CTNND2: variants seen among roughly 807,000 people sequenced by gnomAD.
CTNND2 encodes catenin delta 2.
In CTNND2, 22 loss-of-function variants were observed where a neutral mutation model predicts 144.4. The ratio of observed to expected loss-of-function variants is 0.15; its 90% CI spans 0.11 to 0.22. The LOEUF (loss-of-function observed/expected upper bound fraction) is 0.22, where lower values mean the gene tolerates loss of function less well. CTNND2 is among the 10% of genes least tolerant of loss of function. The probability of loss-of-function intolerance (pLI) is 1.00; values close to 1 mark genes in which losing one functional copy is unlikely to be tolerated. For synonymous variants in CTNND2, 751 were observed against 695.6 expected (o/e 1.08, Z -1.25); for missense variants, 1,353 against 1,618.8 (o/e 0.84, Z 2.82).
chr5:11,096,789 A>AAG (rs925024956), intron 15 of CTNND2, among the ~76,000 whole-genome samples: 2 of 148,494 alleles, frequency 1.3e-5, no homozygotes, highest in African/African-American at 2.4e-5. Context: ...GGGAGGGAGG[A>AAG]AGAGAGAGAG....
At chr5:11,629,669 A>C (rs1330844647) in intron 2 of CTNND2, among the ~76,000 whole-genome samples, 1 of 151,990 alleles carries the variant, frequency 6.6e-6, no homozygotes, top group East Asian at 1.9e-4. Flanking sequence ...TTCATTTCTT[A>C]TTTTATTTTA....
At chr5:11,119,240 G>A (rs779738712) in intron 12 of CTNND2, among the ~76,000 whole-genome samples, 1 of 152,284 alleles carries the variant, frequency 6.6e-6, no homozygotes, top group South Asian at 2.1e-4. Context: ...ATGTTAAAAT[G>A]CTACTGAACA....
At chr5:11,890,659 A>T (rs1736883746) in intron 1 of CTNND2, among the ~76,000 whole-genome samples, 1 of 152,238 alleles carries the variant, frequency 6.6e-6, no homozygotes, top group South Asian at 2.1e-4. Flanking sequence ...AGTCATTTTA[A>T]TGATCAACCT....
chr5:11,390,082 G>A (rs1191207659), intron 6 of CTNND2, among the ~76,000 whole-genome samples: 1 of 152,088 alleles, frequency 6.6e-6, no homozygotes. Flanking sequence ...AGGGATGCTT[G>A]ACCTGTCTAC....
At chr5:11,245,137 G>T (rs181561555) in intron 9 of CTNND2, among the ~76,000 whole-genome samples, 1 of 152,172 alleles carries the variant, frequency 6.6e-6, no homozygotes, top group Non-Finnish European at 1.5e-5. Flanking sequence ...GAACAAAGGC[G>T]AAAAGGGGCT....
intron 5 of CTNND2, among the ~76,000 whole-genome samples, chr5:11,411,139 TG>T (rs970132368): frequency 6.6e-6 from 1 of 152,136 alleles, no homozygotes; most frequent in Non-Finnish European, 1.5e-5. Flanking sequence ...CCCAAAGTGC[TG>T]GGATTACAGG....
At chr5:11,082,956 T>C in intron 15 of CTNND2, 110 bp from the exon 16 acceptor site, 1 of 1,196,636 alleles carries the variant, frequency 8.4e-7, no homozygotes, top group Non-Finnish European at 1.2e-6. Flanking sequence ...AAGGTTGAAT[T>C]ACCAAGACCT....
At chr5:11,113,125 A>G (rs936555567) in intron 13 of CTNND2, among the ~76,000 whole-genome samples, 1 of 152,182 alleles carries the variant, frequency 6.6e-6, no homozygotes, top group African/African-American at 2.4e-5. Flanking sequence ...TGGGCAACAC[A>G]GTGAGACTCC....
At chr5:11,107,653 C>T (rs1206686370) in intron 14 of CTNND2, among the ~76,000 whole-genome samples, 2 of 152,162 alleles carry the variant, frequency 1.3e-5, no homozygotes, top group Admixed American at 6.5e-5. Context: ...AACTTAAGTT[C>T]TTAGATGATA....
chr5:11,249,728 A>G (rs1038919587), intron 9 of CTNND2, among the ~76,000 whole-genome samples: 12 of 152,288 alleles, frequency 7.9e-5, no homozygotes, highest in Admixed American at 7.2e-4. Flanking sequence ...GAAATACATT[A>G]GGAATGGGAG....
chr5:11,249,071 T>G (rs1743301231), intron 9 of CTNND2, among the ~76,000 whole-genome samples: 1 of 152,242 alleles, frequency 6.6e-6, no homozygotes. Context: ...AAACACTGGT[T>G]CCTGCCCTCA....
chr5:11,215,158 G>A (rs544641536), intron 10 of CTNND2, among the ~76,000 whole-genome samples: 3 of 152,256 alleles, frequency 2.0e-5, no homozygotes, highest in South Asian at 2.1e-4. Flanking sequence ...TGATTGGAAC[G>A]TCTGTCTGTC....
At chr5:11,165,593 AGC>A (rs1263576638) in intron 11 of CTNND2, among the ~76,000 whole-genome samples, 1 of 152,202 alleles carries the variant, frequency 6.6e-6, no homozygotes, top group East Asian at 1.9e-4. Flanking sequence ...TCCATCCAAT[AGC>A]TTTCCTTTAT....
intron 11 of CTNND2, among the ~76,000 whole-genome samples, chr5:11,175,643 T>TA (rs1760409612): frequency 6.7e-6 from 1 of 149,402 alleles, no homozygotes; most frequent in Non-Finnish European, 1.5e-5. Flanking sequence ...ATTTATTTAT[T>TA]TTTTTTGCTG....
Position 11,818,637 on chromosome 5 carries a change from G to A in CTNND2, c.37+85180C>T, listed in dbSNP as rs549844017. On this transcript the variant is annotated intron_variant, in intron 1 of 21. Coordinates refer to ENST00000304623, the MANE Select transcript of CTNND2 (RefSeq NM_001332.4). ...CCCACCTTGGCATCCCAAAGTGCTG[G>A]GATTACAGGCGTTAGCCACCGCCCA... Among the ~76,000 whole-genome samples, 15 of 152,194 alleles carry A rather than the reference G, an allele frequency of 9.9e-5. 1 individual carries two copies. In the South Asian group the frequency reaches 3.1e-3, roughly 32 times the overall value.
At chr5:11,788,722 G>A (rs546925119) in intron 1 of CTNND2, among the ~76,000 whole-genome samples, 15 of 151,758 alleles carry the variant, frequency 9.9e-5, no homozygotes, top group Middle Eastern at 3.4e-3. Flanking sequence ...GTACATGTGC[G>A]CAATGTGCAG....
chr5:11,006,486 A>G (rs1013643249), intron 18 of CTNND2, among the ~76,000 whole-genome samples: 7 of 152,250 alleles, frequency 4.6e-5, no homozygotes, highest in African/African-American at 1.7e-4. Flanking sequence ...GAGCTGACCC[A>G]TCTACTTGAA....
intron 1 of CTNND2, among the ~76,000 whole-genome samples, chr5:11,900,024 T>C (rs894273967): frequency 1.3e-5 from 2 of 152,218 alleles, no homozygotes; most frequent in African/African-American, 2.4e-5. Context: ...TGTGTGTGTG[T>C]GTATGTGTAA....
intron 2 of CTNND2, among the ~76,000 whole-genome samples, chr5:11,625,413 C>CTCTCTCTCTCTCTCTCTCTT (rs1347369328): frequency 6.6e-6 from 1 of 151,800 alleles, no homozygotes; most frequent in African/African-American, 2.4e-5. Flanking sequence ...CTCTCTCTCT[C>CTCTCTCTCTCTCTCTCTCTT]TCTCTCTCTC....
Sources: gnomAD v4.1 joint callset for allele counts (sites outside exome capture counted in the v4.1 genomes callset) on GRCh38, gnomAD v4.1.1 for gene constraint, MANE v1.5 for transcripts, NCBI Gene and HGNC (gene_info 2026-07-23, HGNC 2026-07-21) for gene names.